The following RALGPS1 variants were observed in gnomAD, a reference collection of about 807,000 sequenced individuals.
RALGPS1 encodes ras-specific guanine nucleotide-releasing factor RalGPS1.
Under a neutral mutation model 78.8 loss-of-function variants are expected in RALGPS1, and 19 were observed. The observed-to-expected ratio is 0.24, with a 90% CI of 0.17 to 0.35. RALGPS1 has a LOEUF of 0.35. Ranked by LOEUF, RALGPS1 falls within the 10% of genes least tolerant of loss-of-function variation. The probability of loss-of-function intolerance (pLI) is 1.00; values close to 1 mark genes in which losing one functional copy is unlikely to be tolerated. For missense variants in RALGPS1, 454 were observed against 688.3 expected (o/e 0.66, Z 3.81); for synonymous variants, 228 against 256.3 (o/e 0.89, Z 1.06).
At chr9:126,966,377 G>C (rs1471001920) in intron 3 of RALGPS1, among the ~76,000 whole-genome samples, 5 of 152,050 alleles carry the variant, frequency 3.3e-5, no homozygotes, top group Non-Finnish European at 5.9e-5. Flanking sequence ...AAAAAAATTA[G>C]CCAGGTGTGG....
intron 11 of RALGPS1, chr9:127,184,294 T>G: frequency 2.4e-6 from 1 of 417,832 alleles, no homozygotes; most frequent in Non-Finnish European, 4.5e-6. Flanking sequence ...CGCTCCAGCT[T>G]GGGTGACAGA....
intron 8 of RALGPS1, among the ~76,000 whole-genome samples, chr9:127,114,435 A>G (rs1053533717): frequency 1.3e-5 from 2 of 152,236 alleles, no homozygotes; most frequent in African/African-American, 2.4e-5. Flanking sequence ...AAGAGAAACC[A>G]AAGTGCCAAA....
At chr9:126,960,114 G>T (rs1221963143) in intron 1 of RALGPS1, among the ~76,000 whole-genome samples, 1 of 151,582 alleles carries the variant, frequency 6.6e-6, no homozygotes, top group Non-Finnish European at 1.5e-5. Context: ...GGGTCATTTG[G>T]ACATTCCTTT....
At chr9:127,025,213 A>G (rs2045863238) in intron 4 of RALGPS1, among the ~76,000 whole-genome samples, 2 of 152,194 alleles carry the variant, frequency 1.3e-5, no homozygotes, top group African/African-American at 4.8e-5. Flanking sequence ...ACGCTGATGT[A>G]TGCGTCACTC....
At chr9:127,019,297 C>T (rs1451488708) in intron 4 of RALGPS1, among the ~76,000 whole-genome samples, 1 of 151,988 alleles carries the variant, frequency 6.6e-6, no homozygotes, top group Non-Finnish European at 1.5e-5. Context: ...TCTGTTGTTG[C>T]ATGCATTTAC....
rs374824559 is a variant in RALGPS1, at chr9:127,010,923, CTT to C, written c.217-23506_217-23505del. On this transcript the variant is annotated intron_variant, in intron 4 of 18. Coordinates refer to ENST00000259351, the MANE Select transcript of RALGPS1 (RefSeq NM_014636.3). ...TCCTTTGGTCTCTGATGTGCTGTCT[CTT>C]TGTGGGATAAAGTCTGCCTCTGGAG... is the stretch of plus-strand genomic sequence containing the variant. Among the ~76,000 whole-genome samples, 25 of 152,304 alleles carry C rather than the reference CTT, an allele frequency of 1.6e-4. No homozygotes were observed. In the East Asian group the frequency reaches 4.0e-3, roughly 25 times the overall value.
chr9:127,191,275 T>A (rs180682595), intron 11 of RALGPS1, among the ~76,000 whole-genome samples: 13 of 152,364 alleles, frequency 8.5e-5, no homozygotes, highest in African/African-American at 3.1e-4. Context: ...CCTTTAGGAT[T>A]TGTGTTTTTT....
Position 127,212,959 on chromosome 9 carries a change from G to A in RALGPS1, c.1462G>A (p.Gly488Ser). The A allele has an allele frequency of 6.2e-7, 1 of 1,614,140 alleles. No homozygotes were observed. Among genetic ancestry groups the A allele is most frequent in the Non-Finnish European group, 8.5e-7 (1 of 1,180,022 alleles). The change falls in exon 17 of 19, where the codon GGC (glycine) becomes AGC (serine). Residue 488 changes from glycine to serine, a missense_variant. Gly to Ser is a moderately conservative substitution (Grantham distance 56). Coordinates refer to ENST00000259351, the MANE Select transcript of RALGPS1 (RefSeq NM_014636.3). The surrounding 1 kb of genome is among the most constrained non-coding windows in gnomAD (Gnocchi z 6.0). ...TCTCCTCCAGTATAAATCCACACCTGGCAAAAAGGTTTCCATCGTGGGCTG... is the reference window on the plus strand; with the variant it reads ...TCTCCTCCAGTATAAATCCACACCTAGCAAAAAGGTTTCCATCGTGGGCTG... Reference protein sequence around the residue: ...TDRKHYKSTPGKKVSIVGWMV... With the variant: ...TDRKHYKSTPSKKVSIVGWMV...
chr9:127,120,272 G>C (rs925808843), intron 8 of RALGPS1, among the ~76,000 whole-genome samples: 1 of 152,208 alleles, frequency 6.6e-6, no homozygotes, highest in Non-Finnish European at 1.5e-5. Flanking sequence ...TGCCCATGTG[G>C]GAAGCAGGAT....
intron 4 of RALGPS1, among the ~76,000 whole-genome samples, chr9:126,980,212 T>G (rs2041113862): frequency 6.6e-6 from 1 of 152,246 alleles, no homozygotes. Context: ...CCTGCCATGT[T>G]GTGGCTGGAC....
At chr9:126,982,925 CTTCTTTTT>C (rs2041436298) in intron 4 of RALGPS1, among the ~76,000 whole-genome samples, 1 of 54,572 alleles carries the variant, frequency 1.8e-5, no homozygotes, top group Non-Finnish European at 4.2e-5. Flanking sequence ...TCTTCTTCTT[CTTCTTTTT>C]TTTTTTTTTT....
intron 8 of RALGPS1, chr9:127,079,978 C>G (rs2051024435): frequency 6.6e-6 from 1 of 152,240 alleles, no homozygotes. Context: ...AACTGTAAAA[C>G]TCAACACATA....
intron 4 of RALGPS1, among the ~76,000 whole-genome samples, chr9:127,008,085 G>T (rs2044011076): frequency 6.6e-6 from 1 of 151,344 alleles, no homozygotes; most frequent in African/African-American, 2.4e-5. Flanking sequence ...TTGTGAGAGA[G>T]GGAGGAGTCA....
chr9:127,069,161 C>T, intron 7 of RALGPS1, 69 bp from the exon 8 acceptor site: 3 of 1,411,868 alleles, frequency 2.1e-6, no homozygotes, highest in Non-Finnish European at 2.9e-6. Flanking sequence ...TTTTAGTCTT[C>T]ATCCACAGTT....
chr9:127,199,471 TTTA>T (rs2061507393), intron 14 of RALGPS1, among the ~76,000 whole-genome samples: 1 of 151,942 alleles, frequency 6.6e-6, no homozygotes, highest in Admixed American at 6.5e-5. Context: ...GCCTTCGGTA[TTTA>T]TTGACCCCCA....
chr9:127,045,159 T>C (rs2047643424), intron 5 of RALGPS1, among the ~76,000 whole-genome samples: 1 of 152,216 alleles, frequency 6.6e-6, no homozygotes, highest in Non-Finnish European at 1.5e-5. Flanking sequence ...TTGTGAACTT[T>C]ATAGCACCAA....
intron 8 of RALGPS1, among the ~76,000 whole-genome samples, chr9:127,163,426 A>G (rs2059128117): frequency 6.6e-6 from 1 of 152,268 alleles, no homozygotes; most frequent in South Asian, 2.1e-4. Context: ...CTTCTCTACA[A>G]GGGAAATTAT....
At chr9:127,193,232 C>T (rs1417789171) in intron 11 of RALGPS1, among the ~76,000 whole-genome samples, 1 of 152,140 alleles carries the variant, frequency 6.6e-6, no homozygotes, top group Non-Finnish European at 1.5e-5. Flanking sequence ...TGCATGGCCA[C>T]TGCAAGGGTG....
At chr9:127,036,842 G>T (rs888578440) in intron 5 of RALGPS1, among the ~76,000 whole-genome samples, 1 of 152,190 alleles carries the variant, frequency 6.6e-6, no homozygotes, top group African/African-American at 2.4e-5. Context: ...ACATATGAAT[G>T]TTCCTCCAGA....
Sources: allele counts gnomAD v4.1 joint callset (sites outside exome capture counted in the v4.1 genomes callset), GRCh38; gene constraint gnomAD v4.1.1; non-coding constraint Gnocchi (gnomAD v3.1); transcripts MANE v1.5; gene names NCBI Gene and HGNC (gene_info 2026-07-23, HGNC 2026-07-21).